SEL1L2: variants seen among roughly 807,000 people sequenced by gnomAD.
SEL1L2 encodes the protein protein sel-1 homolog 2.
SEL1L2 carries 89 observed loss-of-function variants against 98.8 expected under a neutral mutation model. That is an observed-to-expected ratio of 0.90 (90% confidence interval 0.76 to 1.07). The LOEUF (loss-of-function observed/expected upper bound fraction) is 1.07. SEL1L2 is among the 50% of genes least tolerant of loss of function. SEL1L2 has a pLI of 0.00. For synonymous variants in SEL1L2, 262 were observed against 278.5 expected (o/e 0.94, Z 0.59); for missense variants, 788 against 812.0 (o/e 0.97, Z 0.36).
chr20:13,898,975 C>T (rs1481191350), intron 5 of SEL1L2, among the ~76,000 whole-genome samples: 3 of 152,188 alleles, frequency 2.0e-5, no homozygotes, highest in South Asian at 2.1e-4. Flanking sequence ...CTCCTGACTT[C>T]AGGTGATATG....
intron 1 of SEL1L2, among the ~76,000 whole-genome samples, chr20:13,979,412 G>T (rs1283408649): frequency 3.3e-5 from 5 of 152,158 alleles, no homozygotes; most frequent in African/African-American, 1.2e-4. Context: ...GATTTTGAAT[G>T]TTTACAACAC....
chr20:13,930,367 A>T (rs567567754), intron 3 of SEL1L2, among the ~76,000 whole-genome samples: 1 of 152,330 alleles, frequency 6.6e-6, no homozygotes, highest in Admixed American at 6.5e-5. Flanking sequence ...TCTGGTAGCC[A>T]CTACTGCCCT....
At chr20:13,882,097 A>T (rs1396893135) in intron 10 of SEL1L2, among the ~76,000 whole-genome samples, 2 of 152,216 alleles carry the variant, frequency 1.3e-5, no homozygotes, top group African/African-American at 4.8e-5. Context: ...AATATGTACA[A>T]TTATTATGAG....
At chr20:13,929,645 C>A (rs1007088694) in intron 3 of SEL1L2, among the ~76,000 whole-genome samples, 2 of 151,460 alleles carry the variant, frequency 1.3e-5, no homozygotes, top group Admixed American at 6.6e-5. Flanking sequence ...GGACTACAGG[C>A]GCCTGCAACC....
intron 5 of SEL1L2, among the ~76,000 whole-genome samples, chr20:13,902,944 C>T (rs914483397): frequency 3.3e-5 from 5 of 151,970 alleles, no homozygotes; most frequent in Middle Eastern, 3.4e-3. Context: ...GGTGAAACCC[C>T]GTCTCTACTA....
At chr20:13,989,120 G>A (rs1307510766) in intron 1 of SEL1L2, among the ~76,000 whole-genome samples, 3 of 152,200 alleles carry the variant, frequency 2.0e-5, no homozygotes, top group Admixed American at 6.5e-5. Flanking sequence ...ATGAACATGG[G>A]AAGTCTTTTC....
At chr20:13,868,948 C>T (rs1318450321) in intron 14 of SEL1L2, among the ~76,000 whole-genome samples, 1 of 152,008 alleles carries the variant, frequency 6.6e-6, no homozygotes, top group Non-Finnish European at 1.5e-5. Context: ...CAGGGGTGCC[C>T]ATTCATTTAC....
chr20:13,860,591 GC>G (rs1989954138), intron 17 of SEL1L2, among the ~76,000 whole-genome samples: 1 of 151,988 alleles, frequency 6.6e-6, no homozygotes, highest in African/African-American at 2.4e-5. Flanking sequence ...TGACTCCTCT[GC>G]CCACTTCCTA....
In SEL1L2 at chr20:13,978,562, T is replaced by TTC. The variant is rs751656867; in HGVS notation, c.58+11914_58+11915insGA. The stretch of plus-strand genomic sequence containing the variant: ...ATATGATCCATCAATCCTACTACTA[T>TTC]TTATCCAAAGAAAAGGAAATCAGTA... On this transcript the variant is annotated intron_variant, in intron 1 of 19. Transcript: ENST00000284951. 6.8e-4 allele frequency among the ~76,000 whole-genome samples: 103 copies of TTC among 152,282 alleles called. 2 individuals are homozygous for TTC. Among genetic ancestry groups the TTC allele is most frequent in the Admixed American group, 3.5e-3 (53 of 15,286 alleles).
At chr20:13,897,828 G>T (rs536156452) in intron 5 of SEL1L2, among the ~76,000 whole-genome samples, 379 of 152,002 alleles carry the variant, frequency 2.5e-3, no homozygotes, top group Non-Finnish European at 2.9e-3. Flanking sequence ...TCGTGCCACT[G>T]CACTCCAGCC....
intron 17 of SEL1L2, among the ~76,000 whole-genome samples, chr20:13,862,657 T>A (rs1240431594): frequency 3.3e-5 from 5 of 151,842 alleles, no homozygotes; most frequent in Middle Eastern, 3.2e-3. Context: ...TGAGTACAGC[T>A]AACACTATAA....
intron 2 of SEL1L2, 106 bp downstream of exon 2, chr20:13,955,970 A>T (rs559348611): frequency 4.2e-5 from 19 of 449,992 alleles, no homozygotes; most frequent in East Asian, 2.7e-4. Flanking sequence ...ATTGAGAATT[A>T]AAAAAAAAAG....
intron 5 of SEL1L2, among the ~76,000 whole-genome samples, chr20:13,889,009 A>G (rs1465688158): frequency 6.9e-6 from 1 of 145,558 alleles, no homozygotes; most frequent in Admixed American, 7.1e-5. Flanking sequence ...CCCAGGCTGG[A>G]GTGCAATGGT....
chr20:13,957,979 G>A (rs2050617217), intron 1 of SEL1L2, among the ~76,000 whole-genome samples: 1 of 152,058 alleles, frequency 6.6e-6, no homozygotes, highest in African/African-American at 2.4e-5. Flanking sequence ...TATACATTAG[G>A]ATTGTTCCTT....
chr20:13,886,063 G>C (rs142222260), intron 9 of SEL1L2, among the ~76,000 whole-genome samples: 2,427 of 152,024 alleles, frequency 0.016, 31 homozygotes, highest in Non-Finnish European at 0.024. Context: ...AATTTTTAAG[G>C]AAGAAATGCA....
intron 1 of SEL1L2, among the ~76,000 whole-genome samples, chr20:13,972,208 T>C (rs989297236): frequency 1.3e-5 from 2 of 152,208 alleles, no homozygotes; most frequent in Non-Finnish European, 2.9e-5. Flanking sequence ...TTACAATTGA[T>C]TGGAAATGTT....
At chr20:13,977,626 C>T (rs943754565) in intron 1 of SEL1L2, among the ~76,000 whole-genome samples, 12 of 152,048 alleles carry the variant, frequency 7.9e-5, no homozygotes, top group Admixed American at 2.0e-4. Context: ...AAGAGTGATT[C>T]CTGTCAGACA....
intron 9 of SEL1L2, 50 bp from the exon 10 acceptor site, chr20:13,885,453 TAAAG>T (rs760971381): frequency 1.7e-6 from 2 of 1,185,642 alleles, no homozygotes; most frequent in Admixed American, 3.4e-5. Flanking sequence ...TTACTTTAAA[TAAAG>T]AAAACATTTA....
intron 14 of SEL1L2, among the ~76,000 whole-genome samples, chr20:13,868,825 C>G (rs1294687142): frequency 6.6e-6 from 1 of 151,988 alleles, no homozygotes; most frequent in African/African-American, 2.4e-5. Context: ...CCAGGCTGGT[C>G]TCGAATTCGT....
Sources: gnomAD v4.1 joint callset for allele counts (sites outside exome capture counted in the v4.1 genomes callset) on GRCh38, gnomAD v4.1.1 for gene constraint, MANE v1.5 for transcripts, NCBI Gene and HGNC (gene_info 2026-07-23, HGNC 2026-07-21) for gene names.